STT3B: variants seen among roughly 807,000 people sequenced by gnomAD.
STT3B encodes the protein dolichyl-diphosphooligosaccharide--protein glycosyltransferase subunit STT3B.
In STT3B, 29 loss-of-function variants were observed where a neutral mutation model predicts 96.8. The observed-to-expected ratio is 0.30, with a 90% CI of 0.22 to 0.41. The LOEUF is 0.41. STT3B is among the 10% of genes least tolerant of loss of function. The probability of loss-of-function intolerance (pLI) is 1.00; values close to 1 mark genes in which losing one functional copy is unlikely to be tolerated. For synonymous variants in STT3B, 367 were observed against 360.0 expected, an observed-to-expected ratio of 1.02 and a Z score of -0.22; for missense variants, 640 against 1,022.3, an observed-to-expected ratio of 0.63 and a Z score of 5.10.
chr3:31,597,409 C>T (rs1457374626), intron 4 of STT3B, among the ~76,000 whole-genome samples: 1 of 152,090 alleles, frequency 6.6e-6, no homozygotes. Context: ...CTGCTGGCCT[C>T]GGCCTCCCAA....
intron 3 of STT3B, among the ~76,000 whole-genome samples, chr3:31,587,326 C>T (rs760214484): frequency 1.8e-4 from 28 of 152,012 alleles, no homozygotes; most frequent in Non-Finnish European, 3.1e-4. Context: ...CCTTAGCAAC[C>T]GGTATTGCTT....
At chr3:31,560,698 C>G (rs997450116) in intron 1 of STT3B, among the ~76,000 whole-genome samples, 9 of 152,070 alleles carry the variant, frequency 5.9e-5, no homozygotes, top group Admixed American at 5.9e-4. Flanking sequence ...TTATGTTTGA[C>G]TTTTGACAGT....
At chr3:31,562,518 C>T (rs1172622365) in intron 1 of STT3B, among the ~76,000 whole-genome samples, 1 of 152,020 alleles carries the variant, frequency 6.6e-6, no homozygotes, top group East Asian at 1.9e-4. Flanking sequence ...CAGTGGTAGG[C>T]AAGGGAGGGG....
intron 1 of STT3B, among the ~76,000 whole-genome samples, chr3:31,542,920 G>C (rs1298834104): frequency 6.6e-6 from 1 of 151,974 alleles, no homozygotes; most frequent in East Asian, 1.9e-4. Flanking sequence ...ACAAAAATTA[G>C]CTGGGCATGG....
At position 31,636,049 on chromosome 3, in the gene STT3B, T is replaced by C. The variant is rs750180836; in HGVS notation, c.2466T>C (p.Ser822=). ...TTTTTAAGAAAGGCAAGAAAATATC[T>C]AAGAAGACTGTTTAAATGCACTGTT... ...KLVFKKGKKI[S]KKTV Residue 822 remains serine, a synonymous_variant, in exon 16 of 16, where the codon TCT becomes TCC. Transcript: ENST00000295770. 1 of 1,608,406 alleles carries C rather than the reference T, an allele frequency of 6.2e-7. No individual in the cohort carries two copies. The highest frequency in any genetic ancestry group is 2.2e-5 in the East Asian group (1 of 44,742).
At chr3:31,602,975 T>C (rs1698964822) in intron 5 of STT3B, among the ~76,000 whole-genome samples, 1 of 152,104 alleles carries the variant, frequency 6.6e-6, no homozygotes, top group African/African-American at 2.4e-5. Context: ...TTAAGTTCAA[T>C]TTCTCTTAAC....
At chr3:31,583,583 T>C (rs1433425041) in intron 3 of STT3B, among the ~76,000 whole-genome samples, 3 of 152,218 alleles carry the variant, frequency 2.0e-5, no homozygotes, top group African/African-American at 7.2e-5. Flanking sequence ...TGGAATAACT[T>C]TCTGTCCTTT....
intron 1 of STT3B, among the ~76,000 whole-genome samples, chr3:31,571,885 G>A (rs1460001538): frequency 6.7e-6 from 1 of 149,200 alleles, no homozygotes; most frequent in African/African-American, 2.5e-5. Context: ...TTCATGATAT[G>A]TTATAAATTT....
intron 5 of STT3B, among the ~76,000 whole-genome samples, chr3:31,609,452 A>T (rs895780066): frequency 1.3e-5 from 2 of 152,228 alleles, no homozygotes; most frequent in African/African-American, 2.4e-5. Context: ...TTTTAATATT[A>T]TTTCATTAAA....
chr3:31,551,430 T>A (rs898832224), intron 1 of STT3B, among the ~76,000 whole-genome samples: 1 of 152,138 alleles, frequency 6.6e-6, no homozygotes, highest in Non-Finnish European at 1.5e-5. Flanking sequence ...TTGCCCAGGC[T>A]GGTCTTGAAC....
intron 1 of STT3B, among the ~76,000 whole-genome samples, chr3:31,537,787 C>G (rs1697140167): frequency 6.6e-6 from 1 of 152,178 alleles, no homozygotes; most frequent in Non-Finnish European, 1.5e-5. Context: ...GCTAACTTAA[C>G]TAGCCCTTCT....
chr3:31,588,204 A>G (rs568763095), intron 3 of STT3B, among the ~76,000 whole-genome samples: 9 of 152,206 alleles, frequency 5.9e-5, no homozygotes, highest in East Asian at 5.8e-4. Flanking sequence ...CTACTTTCCA[A>G]TAGAACTTTC....
intron 2 of STT3B, among the ~76,000 whole-genome samples, chr3:31,578,190 A>T (rs542935268): frequency 6.6e-6 from 1 of 152,264 alleles, no homozygotes; most frequent in African/African-American, 2.4e-5. Context: ...TAGTTTCATA[A>T]GCAGGTCCTG....
At chr3:31,588,225 A>G (rs1266746303) in intron 3 of STT3B, among the ~76,000 whole-genome samples, 1 of 152,096 alleles carries the variant, frequency 6.6e-6, no homozygotes, top group Admixed American at 6.6e-5. Flanking sequence ...GACTCTGTTT[A>G]ATAAGATAGT....
intron 3 of STT3B, among the ~76,000 whole-genome samples, chr3:31,586,506 T>C (rs1198717082): frequency 2.6e-5 from 4 of 152,110 alleles, no homozygotes; most frequent in Admixed American, 6.6e-5. Context: ...TATTTACTTA[T>C]AGAAATTAAA....
intron 4 of STT3B, among the ~76,000 whole-genome samples, chr3:31,599,382 T>A (rs1575434045): frequency 6.6e-6 from 1 of 152,326 alleles, no homozygotes; most frequent in East Asian, 1.9e-4. Context: ...TAGACTTAAA[T>A]TTTTAAAGTA....
At position 31,538,800 on chromosome 3, in the gene STT3B, C is replaced by G. The variant is rs145533998; in HGVS notation, c.314+5488C>G. On this transcript the variant is annotated intron_variant, in intron 1 of 15. Transcript: ENST00000295770. ...ACTCTGTCTTCAACCGTCTATCTACCTGATTCTGGTGGATGCTTTTTGTAT... is the reference window on the plus strand; with the variant it reads ...ACTCTGTCTTCAACCGTCTATCTACGTGATTCTGGTGGATGCTTTTTGTAT... 6.6e-4 allele frequency among the ~76,000 whole-genome samples: 101 copies of G among 152,230 alleles called. 1 individual carries two copies. The Middle Eastern group carries it at 0.01, about 15-fold the overall frequency.
chr3:31,589,900 C>G (rs1698628727), intron 3 of STT3B, among the ~76,000 whole-genome samples: 1 of 151,798 alleles, frequency 6.6e-6, no homozygotes, highest in Admixed American at 6.6e-5. Flanking sequence ...TTTTCCTGCC[C>G]TATTTCCTGA....
chr3:31,599,996 A>G (rs1293608394), intron 4 of STT3B, among the ~76,000 whole-genome samples: 2 of 152,104 alleles, frequency 1.3e-5, no homozygotes, highest in Non-Finnish European at 2.9e-5. Context: ...GGGTGAGGTA[A>G]AACCCGTTTT....
Sources: gnomAD v4.1 joint callset for allele counts (sites outside exome capture counted in the v4.1 genomes callset) on GRCh38, gnomAD v4.1.1 for gene constraint, MANE v1.5 for transcripts, NCBI Gene and HGNC (gene_info 2026-07-23, HGNC 2026-07-21) for gene names.